Variants in EPB41L1 observed in about 807,000 individuals in gnomAD.
EPB41L1 encodes the protein erythrocyte membrane protein band 4.1 like 1.
Under a neutral mutation model 97.8 loss-of-function variants are expected in EPB41L1, and 29 were observed. That is an observed-to-expected ratio of 0.30 (90% CI 0.22 to 0.40). The LOEUF (loss-of-function observed/expected upper bound fraction) is 0.40. Ranked by LOEUF, EPB41L1 falls within the 10% of genes least tolerant of loss-of-function variation. EPB41L1 has a pLI of 1.00. For synonymous variants in EPB41L1, 383 were observed against 459.2 expected, an observed-to-expected ratio of 0.83 and a Z score of 2.12; for missense variants, 812 against 1,162.3, an observed-to-expected ratio of 0.70 and a Z score of 4.38.
In EPB41L1 at chr20:36,093,410, C is replaced by G. The variant is rs1372078751; in HGVS notation, c.-65+1798C>G. Among the ~76,000 whole-genome samples, 1 of 151,170 alleles carries G rather than the reference C, an allele frequency of 6.6e-6. No homozygotes were observed. Among genetic ancestry groups the G allele is most frequent in the African/African-American group, 2.4e-5 (1 of 41,124 alleles). On this transcript the variant is annotated intron_variant, in intron 1 of 19. Transcript: ENST00000202028. The surrounding 1 kb of genome is among the most constrained non-coding windows in gnomAD (Gnocchi z 5.4). ...AGTGCGGGTGTGCTCCCGCGTAGCCCCCGTGTGCGTGTGCGCGGCTTTGTC... is the reference window on the plus strand; with the variant it reads ...AGTGCGGGTGTGCTCCCGCGTAGCCGCCGTGTGCGTGTGCGCGGCTTTGTC...
chr20:36,094,468 G>C (rs1374399256), intron 1 of EPB41L1, among the ~76,000 whole-genome samples: 1 of 152,154 alleles, frequency 6.6e-6, no homozygotes, highest in African/African-American at 2.4e-5. Flanking sequence ...AGTCTTATAG[G>C]AGGAAGAAAT....
chr20:36,178,781 G>C, intron 5 of EPB41L1, 109 bp downstream of exon 5: 1 of 1,217,078 alleles, frequency 8.2e-7, no homozygotes, highest in South Asian at 1.2e-5. Flanking sequence ...TTCAGGCCAG[G>C]CGTTGTGGCT....
chr20:36,161,448 T>C lies in EPB41L1; in HGVS notation c.-15+6552T>C, dbSNP rs77903734. Among the ~76,000 whole-genome samples, 800 of 152,256 alleles carry C rather than the reference T, an allele frequency of 5.3e-3. 2 individuals carry two copies. Among genetic ancestry groups the C allele is most frequent in the Non-Finnish European group, 8.2e-3 (557 of 68,004 alleles). On this transcript the variant is annotated intron_variant, in intron 1 of 21. Transcript: ENST00000338074. The stretch of plus-strand genomic sequence containing the variant: ...ATTTTTTCTTTTTATTTTATTCTTC[T>C]TATTTTTTTGTTTGTTTGTTTTTTG...
At chr20:36,130,880 GC>G (rs2147753508) in intron 2 of EPB41L1, among the ~76,000 whole-genome samples, 2 of 150,908 alleles carry the variant, frequency 1.3e-5, no homozygotes, top group East Asian at 3.9e-4. Flanking sequence ...CATGATCTCG[GC>G]TCACTGTAAC....
intron 2 of EPB41L1, among the ~76,000 whole-genome samples, chr20:36,131,188 T>C (rs1378818853): frequency 6.6e-6 from 1 of 152,132 alleles, no homozygotes; most frequent in African/African-American, 2.4e-5. Flanking sequence ...TTGGTCAGGC[T>C]GGTCTTGAAC....
intron 1 of EPB41L1, 155 bp downstream of exon 1, chr20:36,155,051 C>T (rs1242362469): frequency 2.9e-6 from 2 of 697,168 alleles, no homozygotes; most frequent in African/African-American, 1.9e-5. Flanking sequence ...CTCGCTGTTC[C>T]TCCCTACCTA....
intron 1 of EPB41L1, among the ~76,000 whole-genome samples, chr20:36,161,921 C>T (rs752476825): frequency 1.3e-5 from 2 of 152,054 alleles, no homozygotes; most frequent in South Asian, 2.1e-4. Context: ...CCACCATGCC[C>T]GGCTAATTTG....
intron 2 of EPB41L1, among the ~76,000 whole-genome samples, chr20:36,130,816 T>G (rs2059170286): frequency 6.7e-6 from 1 of 150,198 alleles, no homozygotes; most frequent in South Asian, 2.1e-4. Context: ...TCTCTCTCTC[T>G]TTTTTTCCCC....
rs1408148629 is a variant in EPB41L1 at position 36,229,544 on chromosome 20, A to C, written c.*204A>C. The C allele has an allele frequency of 4.3e-6, 2 of 467,998 alleles. No individual in the cohort carries two copies. The highest frequency in any genetic ancestry group is 5.3e-5 in the South Asian group (1 of 18,872). The allele number at this position is 467,998 out of a possible 1,614,324, so 29.0% of individuals were successfully genotyped here. A position where few individuals can be genotyped will look rare whatever the true frequency, so the allele number is the denominator to read the frequency against. On this transcript the variant is annotated 3_prime_UTR_variant, in exon 22 of 22. Transcript: ENST00000338074. ...TATACAGGAAACACCGCATCCTTGC[A>C]CTGCTGCTGGGGCTGGCAGAGCAGT... is the stretch of plus-strand genomic sequence containing the variant.
At chr20:36,154,621 G>A (rs1418098678), upstream of EPB41L1, 6 of 922,934 alleles carry the variant, frequency 6.5e-6, no homozygotes, top group Non-Finnish European at 7.7e-6. This position sits in a 1 kb window ranked among gnomAD's most constrained non-coding sequence, Gnocchi z 5.5. Context: ...CCTGGGCTGG[G>A]CTCCGAGGCC....
At chr20:36,103,105 A>G (rs2058069380) in intron 1 of EPB41L1, among the ~76,000 whole-genome samples, 1 of 152,110 alleles carries the variant, frequency 6.6e-6, no homozygotes, top group African/African-American at 2.4e-5. Flanking sequence ...CTCCAAGATG[A>G]AATTTGTCTT....
intron 1 of EPB41L1, among the ~76,000 whole-genome samples, chr20:36,170,044 A>G (rs1176126427): frequency 6.6e-6 from 1 of 152,214 alleles, no homozygotes; most frequent in Non-Finnish European, 1.5e-5. Context: ...GTGACGGGCT[A>G]TGTCAGAAGC....
intron 2 of EPB41L1, among the ~76,000 whole-genome samples, chr20:36,174,335 C>T (rs2061130311): frequency 1.3e-5 from 2 of 151,752 alleles, no homozygotes; most frequent in Non-Finnish European, 2.9e-5. Flanking sequence ...GGTGCCACTG[C>T]ACTCTTCGCT....
At chr20:36,147,363 T>A (rs1359682512) in intron 2 of EPB41L1, among the ~76,000 whole-genome samples, 1 of 152,196 alleles carries the variant, frequency 6.6e-6, no homozygotes, top group Non-Finnish European at 1.5e-5. Context: ...CTTGTGTAAC[T>A]ACCCCCCAGA....
chr20:36,179,415 G>T (rs1319245158), intron 5 of EPB41L1, among the ~76,000 whole-genome samples: 1 of 152,240 alleles, frequency 6.6e-6, no homozygotes, highest in Admixed American at 6.5e-5. Flanking sequence ...AGGTCACAGA[G>T]CCAAATGTTG....
intron 2 of EPB41L1, among the ~76,000 whole-genome samples, chr20:36,113,372 G>C (rs2058473850): frequency 6.6e-6 from 1 of 151,898 alleles, no homozygotes; most frequent in African/African-American, 2.4e-5. Context: ...TTGGTTCAAT[G>C]TGAAGTATCT....
chr20:36,143,130 GGTGTGTTTGTGTGTGTGTGT>G (rs1156674663), intron 2 of EPB41L1, among the ~76,000 whole-genome samples: 1 of 138,058 alleles, frequency 7.2e-6, no homozygotes, highest in African/African-American at 2.8e-5. Context: ...TGTGAGGGAG[GGTGTGTTTGTGTGTGTGTGT>G]GTGTGTGTGT....
intron 2 of EPB41L1, among the ~76,000 whole-genome samples, chr20:36,118,990 T>C (rs1301900865): frequency 6.6e-6 from 1 of 152,232 alleles, no homozygotes; most frequent in Non-Finnish European, 1.5e-5. Flanking sequence ...TGCTATCTTC[T>C]CCAGCCCTTG....
At position 36,185,228 on chromosome 20, in the gene EPB41L1, C is replaced by T; in HGVS notation, c.678C>T (p.Asp226=). The T allele has an allele frequency of 1.2e-6, 2 of 1,613,916 alleles. No homozygotes were observed. ...GSYAVQAELG[D]YDAEEHVGNY... is the part of the protein sequence containing the mutation. Reference sequence around the variant, plus strand: ...ACGCTGTGCAGGCTGAGCTGGGTGACTATGATGCTGAGGAGCATGTGGGCA... The same window carrying T: ...ACGCTGTGCAGGCTGAGCTGGGTGATTATGATGCTGAGGAGCATGTGGGCA... Residue 226 remains aspartate (D), a synonymous_variant, in exon 7 of 22, where the codon GAC becomes GAT. Transcript: ENST00000338074.
Sources: allele counts gnomAD v4.1 joint callset (sites outside exome capture counted in the v4.1 genomes callset), GRCh38; gene constraint gnomAD v4.1.1; non-coding constraint Gnocchi (gnomAD v3.1); transcripts MANE v1.5; gene names NCBI Gene and HGNC (gene_info 2026-07-23, HGNC 2026-07-21).